The following RAD54B variants were observed in gnomAD, a reference collection of about 807,000 sequenced individuals.
The protein encoded by RAD54B is RAD54 homolog B.
RAD54B carries 78 observed loss-of-function variants against 95.8 expected under a neutral mutation model. The ratio of observed to expected loss-of-function variants is 0.81; its 90% CI spans 0.68 to 0.98. RAD54B has a LOEUF of 0.98. Among genes scored for constraint, RAD54B ranks in the 50% least tolerant of loss-of-function variants. The pLI is 0.00. For synonymous variants in RAD54B, 328 were observed against 354.9 expected (o/e 0.92, Z 0.85); for missense variants, 957 against 1,056.6 (o/e 0.91, Z 1.31).
intron 3 of RAD54B, chr8:94,429,571 A>T: frequency 2.0e-6 from 2 of 983,050 alleles, no homozygotes; most frequent in Non-Finnish European, 2.4e-6. Flanking sequence ...TGTGCTTTCA[A>T]TAATTTCAAA....
intron 11 of RAD54B, among the ~76,000 whole-genome samples, chr8:94,382,972 A>G (rs1393929654): frequency 1.3e-5 from 2 of 152,086 alleles, no homozygotes; most frequent in African/African-American, 2.4e-5. Flanking sequence ...GCAGTGTGAA[A>G]ACGGACTAAT....
intron 3 of RAD54B, among the ~76,000 whole-genome samples, chr8:94,443,569 A>T (rs1202553843): frequency 6.6e-6 from 1 of 152,134 alleles, no homozygotes; most frequent in Non-Finnish European, 1.5e-5. Flanking sequence ...AGATGGATGC[A>T]TAACTGACTC....
intron 8 of RAD54B, among the ~76,000 whole-genome samples, chr8:94,398,756 A>T (rs1426970810): frequency 6.6e-6 from 1 of 152,060 alleles, no homozygotes; most frequent in African/African-American, 2.4e-5. Context: ...AGCTACATTG[A>T]GCTACTTAGA....
chr8:94,470,137 G>A (rs1813131789), intron 1 of RAD54B, among the ~76,000 whole-genome samples: 1 of 152,144 alleles, frequency 6.6e-6, no homozygotes, highest in Non-Finnish European at 1.5e-5. Flanking sequence ...GGAACTATCA[G>A]AGATAATACT....
chr8:94,463,931 G>C (rs946402174), intron 2 of RAD54B, among the ~76,000 whole-genome samples: 1 of 147,480 alleles, frequency 6.8e-6, no homozygotes, highest in Non-Finnish European at 1.5e-5. Context: ...AGAAAAAAGA[G>C]AGAAACGAAA....
chr8:94,474,725 CCCCAGGGG>C (rs1409949845), intron 1 of RAD54B, among the ~76,000 whole-genome samples: 1 of 152,108 alleles, frequency 6.6e-6, no homozygotes, highest in Non-Finnish European at 1.5e-5. Context: ...GCAGTGGCGG[CCCCAGGGG>C]CCACTGCCCA....
chr8:94,436,997 G>C, intron 3 of RAD54B: 1 of 1,395,094 alleles, frequency 7.2e-7, no homozygotes. Context: ...ACGCCTACAG[G>C]GGAGGGTTTA....
At chr8:94,435,709 TA>T (rs140001107) in intron 3 of RAD54B, among the ~76,000 whole-genome samples, 1 of 152,060 alleles carries the variant, frequency 6.6e-6, no homozygotes, top group Non-Finnish European at 1.5e-5. Flanking sequence ...CTTCTAACTC[TA>T]AAAAAACCCA....
intron 3 of RAD54B, among the ~76,000 whole-genome samples, chr8:94,413,801 A>C (rs1811584653): frequency 6.6e-6 from 1 of 151,686 alleles, no homozygotes; most frequent in African/African-American, 2.4e-5. Context: ...GAATAAGACA[A>C]AGGTCTTGTA....
intron 2 of RAD54B, among the ~76,000 whole-genome samples, chr8:94,464,096 T>A (rs1474006605): frequency 6.6e-6 from 1 of 152,072 alleles, no homozygotes; most frequent in Non-Finnish European, 1.5e-5. Context: ...GTAGGCAGAA[T>A]AACGGCTCCC....
chr8:94,428,014 T>C, intron 3 of RAD54B: 1 of 931,726 alleles, frequency 1.1e-6, no homozygotes, highest in Non-Finnish European at 1.3e-6. Flanking sequence ...AAATCTGGTA[T>C]TCGTTAGAAA....
intron 3 of RAD54B, among the ~76,000 whole-genome samples, chr8:94,444,218 A>G (rs1359168529): frequency 2.6e-5 from 4 of 152,162 alleles, no homozygotes; most frequent in South Asian, 4.1e-4. Flanking sequence ...AAAGTTTAGT[A>G]ACATGTGTTG....
At chr8:94,439,544 A>T (rs1389364949) in intron 3 of RAD54B, among the ~76,000 whole-genome samples, 1 of 152,254 alleles carries the variant, frequency 6.6e-6, no homozygotes, top group African/African-American at 2.4e-5. Flanking sequence ...CACAGCCCTC[A>T]GGTGGCCCTA....
At chr8:94,393,577 C>T (rs28397775) in intron 9 of RAD54B, 166 bp downstream of exon 9, 1 of 568,450 alleles carries the variant, frequency 1.8e-6, no homozygotes, top group Admixed American at 3.6e-5. Flanking sequence ...GAATTTTAGA[C>T]AAGTGATGTC....
At chr8:94,458,222 A>T in intron 3 of RAD54B, 46 bp downstream of exon 3, 1 of 1,466,198 alleles carries the variant, frequency 6.8e-7, no homozygotes, top group South Asian at 1.4e-5. Context: ...GAATACTGTA[A>T]TACTATTGGT....
chr8:94,380,319 A>G lies in RAD54B; in HGVS notation c.2073T>C (p.Asp691=). 1 of 1,614,134 alleles carries G rather than the reference A, an allele frequency of 6.2e-7. No homozygotes were observed. The highest frequency in any genetic ancestry group is 1.1e-5 in the South Asian group (1 of 91,078). ...GCCTTTGAGAGATTGGTGTTTGTCC[A>G]TCAAGTCTTGTATAAGCATATCCAT... ...KRHGYAYTRL[D]GQTPISQRQQ... is the part of the protein sequence containing the mutation. The change falls in exon 12 of 15, where the codon GAT becomes GAC. Residue 691 remains aspartate, a synonymous_variant. Transcript: ENST00000336148.
intron 14 of RAD54B, among the ~76,000 whole-genome samples, chr8:94,375,261 G>T (rs115027051): frequency 0.012 from 1,811 of 152,248 alleles, 30 homozygotes; most frequent in African/African-American, 0.041. Flanking sequence ...TACATCTATG[G>T]ATGATATGGT....
At chr8:94,440,693 C>G (rs142338480) in intron 3 of RAD54B, among the ~76,000 whole-genome samples, 123 of 152,264 alleles carry the variant, frequency 8.1e-4, no homozygotes, top group Middle Eastern at 3.4e-3. Context: ...GTGGGAGTTT[C>G]TCCCCACACA....
intron 2 of RAD54B, among the ~76,000 whole-genome samples, chr8:94,462,944 G>A (rs1812941478): frequency 6.6e-6 from 1 of 152,120 alleles, no homozygotes. Flanking sequence ...GGGACACCAA[G>A]GCAGGCGGAT....
Sources: allele counts gnomAD v4.1 joint callset (sites outside exome capture counted in the v4.1 genomes callset), GRCh38; gene constraint gnomAD v4.1.1; transcripts MANE v1.5; gene names NCBI Gene and HGNC (gene_info 2026-07-23, HGNC 2026-07-21).